HNRNPH1: variants seen among roughly 807,000 people sequenced by gnomAD.
HNRNPH1 encodes heterogeneous nuclear ribonucleoprotein H.
In HNRNPH1, 4 loss-of-function variants were observed where a neutral mutation model predicts 58.6. That is an observed-to-expected ratio of 0.07 (90% confidence interval 0.03 to 0.16). HNRNPH1 has a LOEUF of 0.16. HNRNPH1 is among the 10% of genes least tolerant of loss of function. The pLI is 1.00. For missense variants in HNRNPH1, 271 were observed against 564.2 expected (o/e 0.48, Z 5.26); for synonymous variants, 192 against 189.2 (o/e 1.01, Z -0.12).
At chr5:179,618,021 C>G (rs779394978) in exon 6 of HNRNPH1, 5 of 1,614,132 alleles carry the variant, frequency 3.1e-6, no homozygotes. Flanking sequence ...AAATCCATAG[C>G]CATCATTATA....
chr5:179,624,531 A>T (rs1774162421), exon 1 of HNRNPH1: 1 of 398,792 alleles, frequency 2.5e-6, no homozygotes, highest in Non-Finnish European at 4.4e-6. Context: ...TCGGTAGGTT[A>T]CCGCTGCATC....
rs1215462763 is a variant in HNRNPH1 at position 179,632,081 on chromosome 5, C to T, written c.-32+1984G>A. Among the ~76,000 whole-genome samples the T allele has an allele frequency of 4.6e-5, 6 of 130,676 alleles. No homozygotes were observed. In the East Asian group the frequency reaches 1.2e-3, roughly 27 times the overall value. 85.7% of individuals were successfully genotyped at this position (130,676 alleles called of 152,430 possible). A position where few individuals can be genotyped will look rare whatever the true frequency, so the allele number is the denominator to read the frequency against. On this transcript the variant is annotated intron_variant, in intron 2 of 4. Transcript: ENST00000521116. Reference sequence around the variant, plus strand: ...CAGCACTTTGGGAGGCCGAGGCGGGCGGATCACGAGGTCAGGAGATCGAGA... The same window carrying T: ...CAGCACTTTGGGAGGCCGAGGCGGGTGGATCACGAGGTCAGGAGATCGAGA...
intron 2 of HNRNPH1, among the ~76,000 whole-genome samples, chr5:179,632,582 G>A (rs1270447259): frequency 6.9e-6 from 1 of 145,700 alleles, no homozygotes; most frequent in Non-Finnish European, 1.6e-5. Context: ...GTCCGCTGAG[G>A]AGAAGGGTCT....
At chr5:179,616,566 A>AT in intron 10 of HNRNPH1, 1 of 510,940 alleles carries the variant, frequency 2.0e-6, no homozygotes, top group South Asian at 2.5e-5. Context: ...ACACCTAATT[A>AT]TGCCCACATT....
chr5:179,621,523 C>T (rs1219571277), intron 1 of HNRNPH1, 126 bp from the exon 3 acceptor site: 1 of 725,912 alleles, frequency 1.4e-6, no homozygotes, highest in Admixed American at 2.9e-5. Flanking sequence ...TATATACTGA[C>T]CACGATATTA....
At chr5:179,626,776 CTTTT>C (rs60754691), upstream of HNRNPH1, among the ~76,000 whole-genome samples, 4 of 132,472 alleles carry the variant, frequency 3.0e-5, no homozygotes, top group Admixed American at 7.6e-5. Flanking sequence ...TGGTATACTT[CTTTT>C]TTTTTTTTTT....
At chr5:179,623,693 C>T (rs1426867986) in exon 1 of HNRNPH1, 1 of 152,862 alleles carries the variant, frequency 6.5e-6, no homozygotes, top group African/African-American at 2.4e-5. Flanking sequence ...CCTGCGCAAC[C>T]TAAATAAGGT....
chr5:179,619,162 TTACC>T (rs1771157563), intron 4 of HNRNPH1, 103 bp downstream of exon 5: 1 of 971,830 alleles, frequency 1.0e-6, no homozygotes, highest in African/African-American at 1.7e-5. Flanking sequence ...AAAACATCAA[TTACC>T]TAGGACTACA....
rs569243079 is a variant in HNRNPH1, at chr5:179,614,811, G to C, written c.*149C>G. On this transcript the variant is annotated 3_prime_UTR_variant, in exon 13 of 13. Coordinates refer to ENST00000356731, the Ensembl canonical transcript of HNRNPH1. ...AAAAAAAAAAAAAAAAAAAAAGGTT[G>C]ACCAAGAGTCAGTGATCAGGATCGA... 4.9e-6 allele frequency: 3 copies of C among 608,712 alleles called. No individual in the cohort carries two copies. The East Asian group carries it at 1.2e-4, about 24-fold the overall frequency. The allele number at this position is 608,712 out of a possible 1,614,324, so 37.7% of individuals were successfully genotyped here.
At chr5:179,621,850 G>T in intron 1 of HNRNPH1, 1 of 438,204 alleles carries the variant, frequency 2.3e-6, no homozygotes, top group Middle Eastern at 3.4e-4. Flanking sequence ...CACCTGAAAG[G>T]GGATCAGTGT....
At chr5:179,624,495 C>A (rs774557919) in exon 1 of HNRNPH1, 1 of 398,650 alleles carries the variant, frequency 2.5e-6, no homozygotes, top group Non-Finnish European at 4.4e-6. Flanking sequence ...AGCGCGGGCT[C>A]CACGGGTGCG....
At chr5:179,615,399 C>T (rs61408162) in intron 12 of HNRNPH1, 147 bp downstream of exon 13, 141,302 of 517,278 alleles carry the variant, frequency 0.27, 22,025 homozygotes, top group Non-Finnish European at 0.34. Context: ...GGAAGTGAGA[C>T]AACCAAGCTG....
At chr5:179,614,736 A>G (rs1768619078) in exon 13 of HNRNPH1, 2 of 642,226 alleles carry the variant, frequency 3.1e-6, no homozygotes, top group Admixed American at 2.8e-5. Flanking sequence ...AGTAAGCATA[A>G]ATCACAAGCT....
intron 2 of HNRNPH1, among the ~76,000 whole-genome samples, chr5:179,633,528 G>A (rs113179313): frequency 0.28 from 39,775 of 143,254 alleles, 6,634 homozygotes; most frequent in Non-Finnish European, 0.39. Flanking sequence ...CAGCCGGGAT[G>A]GTATCCATCT....
At chr5:179,631,326 T>C (rs1006131973) in intron 2 of HNRNPH1, among the ~76,000 whole-genome samples, 2 of 152,062 alleles carry the variant, frequency 1.3e-5, no homozygotes, top group Non-Finnish European at 2.9e-5. Context: ...GAAAAAATGA[T>C]CTAGGTTCCG....
intron 2 of HNRNPH1, 47 bp from the exon 4 acceptor site, chr5:179,621,082 A>G: frequency 6.3e-7 from 1 of 1,597,796 alleles, no homozygotes; most frequent in Non-Finnish European, 8.6e-7. Flanking sequence ...ATTAGATAAC[A>G]AAGTTCAGAC....
chr5:179,621,513 T>C lies in HNRNPH1; in HGVS notation c.98-116A>G, dbSNP rs1246314483. 11 of 823,038 alleles carry C rather than the reference T, an allele frequency of 1.3e-5. No individual in the cohort carries two copies. The Admixed American group carries it at 1.8e-4, about 14-fold the overall frequency. 51.0% of individuals were successfully genotyped at this position (823,038 alleles called of 1,614,324 possible). A position where few individuals can be genotyped will look rare whatever the true frequency, so the allele number is the denominator to read the frequency against. ...CAAATTACATAACTTGTGAAGCCTA[T>C]ATATACTGACCACGATATTACCAAC... On this transcript the variant is annotated intron_variant, in intron 1 of 12. Coordinates refer to ENST00000356731, the Ensembl canonical transcript of HNRNPH1.
chr5:179,622,954 C>T (rs1345630864), intron 1 of HNRNPH1, 83 bp downstream of exon 2: 1 of 141,634 alleles, frequency 7.1e-6, no homozygotes, highest in Non-Finnish European at 1.5e-5. Context: ...CCCGCCCCGC[C>T]CCGCCCCGCC....
chr5:179,626,019 G>A (rs754452950), upstream of HNRNPH1, among the ~76,000 whole-genome samples: 104 of 151,812 alleles, frequency 6.9e-4, no homozygotes, highest in Non-Finnish European at 2.6e-4. Flanking sequence ...GAATTCTTGG[G>A]CTCAAGGAAT....
Sources: allele counts gnomAD v4.1 joint callset (sites outside exome capture counted in the v4.1 genomes callset), GRCh38; gene constraint gnomAD v4.1.1; transcripts MANE v1.5; gene names NCBI Gene and HGNC (gene_info 2026-07-23, HGNC 2026-07-21).